DYRK1A: variants seen among roughly 807,000 people sequenced by gnomAD.
DYRK1A encodes dual specificity tyrosine phosphorylation regulated kinase 1A, also known as dual specificity tyrosine-phosphorylation-regulated kinase 1A.
Under a neutral mutation model 79.7 loss-of-function variants are expected in DYRK1A, and 9 were observed. That is an observed-to-expected ratio of 0.11 (90% CI 0.07 to 0.20). The LOEUF is 0.20. Among genes scored for constraint, DYRK1A ranks in the 10% least tolerant of loss-of-function variants. The pLI, the probability that DYRK1A is intolerant of heterozygous loss-of-function variation, is 1.00. For synonymous variants in DYRK1A, 349 were observed against 329.7 expected (o/e 1.06, Z -0.63); for missense variants, 622 against 956.0 (o/e 0.65, Z 4.61).
At chr21:37,367,813 C>T (rs1169138090) in intron 1 of DYRK1A, among the ~76,000 whole-genome samples, 185 bp downstream of exon 1, 1 of 149,472 alleles carries the variant, frequency 6.7e-6, no homozygotes, top group Non-Finnish European at 1.5e-5. Context: ...GGAGGAGCGG[C>T]GGGCGCGAGC....
chr21:37,390,548 A>T (rs1337273186), intron 1 of DYRK1A, among the ~76,000 whole-genome samples: 1 of 152,130 alleles, frequency 6.6e-6, no homozygotes, highest in African/African-American at 2.4e-5. Flanking sequence ...GTTGCCTAGG[A>T]TCATTTACAC....
At chr21:37,402,191 A>G (rs773594345) in intron 1 of DYRK1A, among the ~76,000 whole-genome samples, 2 of 152,240 alleles carry the variant, frequency 1.3e-5, no homozygotes, top group Non-Finnish European at 2.9e-5. Context: ...TTTAAATATA[A>G]GTATCCAAAG....
chr21:37,384,674 TA>T (rs2049724971), intron 1 of DYRK1A, among the ~76,000 whole-genome samples: 1 of 152,104 alleles, frequency 6.6e-6, no homozygotes, highest in Non-Finnish European at 1.5e-5. Context: ...GACTCATAAT[TA>T]GGAGATCAAG....
chr21:37,440,590 CT>C (rs1377014114), intron 2 of DYRK1A, among the ~76,000 whole-genome samples: 1 of 151,990 alleles, frequency 6.6e-6, no homozygotes, highest in Non-Finnish European at 1.5e-5. Flanking sequence ...TATTTTCATT[CT>C]TTTCAGAATG....
In DYRK1A at chr21:37,493,072, T is replaced by G. The variant is rs1381315963; in HGVS notation, c.980T>G (p.Met327Arg). The G allele has an allele frequency of 6.3e-7, 1 of 1,588,694 alleles. No individual in the cohort carries two copies. Among genetic ancestry groups the G allele is most frequent in the Admixed American group, 1.7e-5 (1 of 59,388 alleles). Residue 327 changes from methionine to arginine, a missense_variant, in exon 8 of 12, where the codon ATG becomes AGG. By Grantham distance (91) the Met-to-Arg change is moderately conservative. Around this residue, in one of 5 missense-constraint regions of DYRK1A, gnomAD observed 138 missense variants for 346.4 expected, o/e 0.40. Coordinates refer to ENST00000647188, the MANE Select transcript of DYRK1A (RefSeq NM_001347721.2). ...FYRSPEVLLG[M>R]PYDLAIDMWS... ...CGGTCTCCAGAGGTGCTACTGGGAA[T>G]GCCTTATGACCTTGCCATTGATATG... is the stretch of plus-strand genomic sequence containing the variant.
rs572296681 is a variant in DYRK1A, at chr21:37,478,688, T to G, written c.300+388T>G. Among the ~76,000 whole-genome samples, 60 of 152,334 alleles carry G rather than the reference T, an allele frequency of 3.9e-4. No individual in the cohort carries two copies. In the South Asian group the frequency reaches 0.01, roughly 26 times the overall value. ...GAATTTTTATATATTTGTTTCTGCTTTTGCCATGGGTGTCAGGAAGCTCTG... is the reference window on the plus strand; with the variant it reads ...GAATTTTTATATATTTGTTTCTGCTGTTGCCATGGGTGTCAGGAAGCTCTG... On this transcript the variant is annotated intron_variant, in intron 4 of 11. Transcript: ENST00000647188.
intron 2 of DYRK1A, among the ~76,000 whole-genome samples, chr21:37,468,613 A>G (rs1345269198): frequency 1.3e-5 from 2 of 152,184 alleles, no homozygotes; most frequent in East Asian, 3.9e-4. Context: ...AGAGCAGTGG[A>G]GAATGTTTGT....
At chr21:37,485,375 G>T (rs916644363) in intron 5 of DYRK1A, among the ~76,000 whole-genome samples, 3 of 152,180 alleles carry the variant, frequency 2.0e-5, no homozygotes, top group African/African-American at 7.2e-5. Flanking sequence ...AGACCACAGA[G>T]AGTGTCTTTT....
intron 2 of DYRK1A, among the ~76,000 whole-genome samples, chr21:37,426,055 C>G (rs997884969): frequency 1.3e-5 from 2 of 152,236 alleles, no homozygotes; most frequent in Middle Eastern, 3.4e-3. Flanking sequence ...AGTTTAAGCT[C>G]CATTCCCAGT....
At chr21:37,377,148 C>A (rs549791775) in intron 1 of DYRK1A, among the ~76,000 whole-genome samples, 64 of 152,092 alleles carry the variant, frequency 4.2e-4, no homozygotes, top group Admixed American at 1.4e-3. Flanking sequence ...GAGACGGAGT[C>A]TCGCTCTTTC....
At chr21:37,448,748 G>A (rs1444156483) in intron 2 of DYRK1A, among the ~76,000 whole-genome samples, 2 of 152,142 alleles carry the variant, frequency 1.3e-5, no homozygotes, top group African/African-American at 4.8e-5. Flanking sequence ...TCAGGCTGGA[G>A]TGCAGTGGCA....
intron 1 of DYRK1A, among the ~76,000 whole-genome samples, chr21:37,383,768 A>T (rs1482663147): frequency 6.6e-6 from 1 of 152,162 alleles, no homozygotes; most frequent in African/African-American, 2.4e-5. Context: ...AAAGCAAATA[A>T]CATAATTACA....
intron 1 of DYRK1A, chr21:37,419,065 T>G (rs2050413121): frequency 6.6e-6 from 1 of 152,160 alleles, no homozygotes; most frequent in Non-Finnish European, 1.5e-5. Context: ...AAGTATAGAC[T>G]CAAATCTATA....
intron 5 of DYRK1A, among the ~76,000 whole-genome samples, chr21:37,485,752 T>TA (rs201909072): frequency 2.0e-5 from 3 of 151,428 alleles, no homozygotes; most frequent in African/African-American, 7.3e-5. Flanking sequence ...TCTTTTATAG[T>TA]AGTATGAACC....
intron 2 of DYRK1A, chr21:37,464,237 G>A (rs749297715): frequency 2.1e-6 from 1 of 470,864 alleles, no homozygotes; most frequent in African/African-American, 2.0e-5. Flanking sequence ...CAGTCTTTGA[G>A]ATGTGTTGTT....
At chr21:37,378,100 G>A (rs921704280) in intron 1 of DYRK1A, among the ~76,000 whole-genome samples, 1 of 152,106 alleles carries the variant, frequency 6.6e-6, no homozygotes, top group Non-Finnish European at 1.5e-5. Context: ...GAATGTAATA[G>A]GTGAATAATG....
intron 2 of DYRK1A, among the ~76,000 whole-genome samples, chr21:37,462,967 G>A (rs1282065504): frequency 6.6e-6 from 1 of 152,196 alleles, no homozygotes; most frequent in Non-Finnish European, 1.5e-5. Context: ...AAGGTCATAA[G>A]TGGAAATCTG....
rs1389422824 is a variant in DYRK1A, at chr21:37,513,205, A to G, written c.*674A>G. On this transcript the variant is annotated 3_prime_UTR_variant, in exon 12 of 12. Coordinates refer to ENST00000647188, the MANE Select transcript of DYRK1A (RefSeq NM_001347721.2). Reference sequence around the variant, plus strand: ...GAACCTACTGAGGAGCAAAGCAGCAATTACATGGGATCCTGTGGCTCTCCC... The same window carrying G: ...GAACCTACTGAGGAGCAAAGCAGCAGTTACATGGGATCCTGTGGCTCTCCC... The G allele has an allele frequency of 3.3e-5, 5 of 152,684 alleles. No homozygotes were observed. The highest frequency in any genetic ancestry group is 6.5e-5 in the Admixed American group (1 of 15,290). The allele number at this position is 152,684 out of a possible 1,614,324, so 9.5% of individuals were successfully genotyped here. A position where few individuals can be genotyped will look rare whatever the true frequency, so the allele number is the denominator to read the frequency against.
intron 5 of DYRK1A, 39 bp from the exon 6 acceptor site, chr21:37,486,428 C>CA: frequency 1.4e-6 from 2 of 1,382,988 alleles, no homozygotes; most frequent in Non-Finnish European, 1.9e-6. Flanking sequence ...GAAATTTTTG[C>CA]AATTAATGAA....
Sources: gnomAD v4.1 joint callset for allele counts (sites outside exome capture counted in the v4.1 genomes callset) on GRCh38, gnomAD v4.1.1 for gene constraint, gnomAD v4.1.1 regional missense constraint, MANE v1.5 for transcripts, NCBI Gene and HGNC (gene_info 2026-07-23, HGNC 2026-07-21) for gene names.